NRCAM: variants seen among roughly 807,000 people sequenced by gnomAD.
NRCAM encodes the protein NgCAM-related cell adhesion molecule.
A neutral mutation model predicts 156.5 loss-of-function variants in NRCAM; 83 were observed. The observed-to-expected ratio is 0.53, with a 90% confidence interval of 0.44 to 0.64. NRCAM has a LOEUF of 0.64. NRCAM is among the 30% of genes least tolerant of loss of function. The pLI, the probability that NRCAM is intolerant of heterozygous loss-of-function variation, is 0.00. For missense variants in NRCAM, 1,417 were observed against 1,597.3 expected (o/e 0.89, Z 1.92); for synonymous variants, 538 against 563.9 (o/e 0.95, Z 0.65).
chr7:108,253,277 A>C, intron 3 of NRCAM, among the ~76,000 whole-genome samples: 1 of 152,202 alleles, frequency 6.6e-6, no homozygotes, highest in East Asian at 1.9e-4. Flanking sequence ...ATGCAAAACA[A>C]TGTGGTAAGT....
chr7:108,157,295 C>G (rs894437433), intron 32 of NRCAM, among the ~76,000 whole-genome samples: 3 of 152,086 alleles, frequency 2.0e-5, no homozygotes, highest in Non-Finnish European at 4.4e-5. Flanking sequence ...CTAAAGACAG[C>G]TATTTGAAAA....
At chr7:108,219,214 T>A (rs2091136564) in intron 11 of NRCAM, among the ~76,000 whole-genome samples, 1 of 151,044 alleles carries the variant, frequency 6.6e-6, no homozygotes, top group Admixed American at 6.6e-5. Context: ...AAAATAGTAA[T>A]TAAAAAATTA....
intron 2 of NRCAM, among the ~76,000 whole-genome samples, chr7:108,331,581 G>T (rs1288815996): frequency 6.6e-6 from 1 of 152,014 alleles, no homozygotes; most frequent in Non-Finnish European, 1.5e-5. Context: ...GCTATTATGA[G>T]GATTAAATGA....
At chr7:108,246,712 C>A (rs749045136) in intron 3 of NRCAM, among the ~76,000 whole-genome samples, 2 of 152,236 alleles carry the variant, frequency 1.3e-5, no homozygotes, top group African/African-American at 4.8e-5. Flanking sequence ...TGTTCCAATT[C>A]TCTGTGAAGT....
At position 108,179,343 on chromosome 7, in the gene NRCAM, G is replaced by A. The variant is rs1313126157; in HGVS notation, c.2851+880C>T. 2.0e-5 allele frequency among the ~76,000 whole-genome samples: 3 copies of A among 152,114 alleles called. No homozygotes were observed. The East Asian group carries it at 5.8e-4, about 29-fold the overall frequency. On this transcript the variant is annotated intron_variant, in intron 25 of 32. Transcript: ENST00000379028. ...GAGATGGGAGCTGGGATGCAGGGTG[G>A]TTCTCAGAGGCTGCTGGGCAGCTGC...
intron 11 of NRCAM, among the ~76,000 whole-genome samples, chr7:108,214,220 T>C (rs1374327002): frequency 1.3e-5 from 2 of 152,220 alleles, no homozygotes; most frequent in Non-Finnish European, 2.9e-5. Context: ...TAAATCCATC[T>C]GGTCCTGGGC....
At chr7:108,294,251 C>T (rs1330793120) in intron 3 of NRCAM, among the ~76,000 whole-genome samples, 1 of 122,848 alleles carries the variant, frequency 8.1e-6, no homozygotes, top group African/African-American at 3.1e-5. Context: ...CTTGAGTGAA[C>T]TCACAGTCAA....
chr7:108,352,656 G>A (rs565524982), intron 2 of NRCAM, among the ~76,000 whole-genome samples: 1 of 152,188 alleles, frequency 6.6e-6, no homozygotes, highest in Admixed American at 6.5e-5. Context: ...TGTTTTACTT[G>A]ACAAATATCA....
intron 2 of NRCAM, among the ~76,000 whole-genome samples, chr7:108,321,122 T>C (rs555015628): frequency 5.9e-5 from 9 of 152,360 alleles, no homozygotes; most frequent in African/African-American, 2.2e-4. Context: ...TTAACCACAC[T>C]GTCATTTATA....
intron 1 of NRCAM, among the ~76,000 whole-genome samples, chr7:108,429,562 T>C (rs191217148): frequency 6.6e-6 from 1 of 152,348 alleles, no homozygotes; most frequent in African/African-American, 2.4e-5. Flanking sequence ...ACTTTGCCAA[T>C]TGCAAATTAT....
rs201240389 is a variant in NRCAM, at chr7:108,324,877, C to CATTTTTTTTTTTTTTTT, written c.-173-12147_-173-12146insAAAAAAAAAAAAAAAAT. On this transcript the variant is annotated intron_variant, in intron 2 of 32. Transcript: ENST00000379028. ...TGTTTGTGTAATATTTGGCACTGTACTTTTTTTTTTTTTTTTTTTTTTTTT... is the reference window on the plus strand; with the variant it reads ...TGTTTGTGTAATATTTGGCACTGTACATTTTTTTTTTTTTTTTTTTTTTTTTTTTTTTTTTTTTTTTT... 6.0e-5 allele frequency among the ~76,000 whole-genome samples: 5 copies of CATTTTTTTTTTTTTTTT among 82,676 alleles called. 1 individual carries two copies. The highest frequency in any genetic ancestry group is 2.3e-5 in the Non-Finnish European group (1 of 43,386). 54.2% of individuals were successfully genotyped at this position (82,676 alleles called of 152,430 possible).
At chr7:108,320,279 C>T (rs2098985082) in intron 2 of NRCAM, among the ~76,000 whole-genome samples, 1 of 151,866 alleles carries the variant, frequency 6.6e-6, no homozygotes, top group South Asian at 2.1e-4. Context: ...CAGGGAGACC[C>T]TGTCTCTGTG....
chr7:108,150,618 C>T, intron 32 of NRCAM: 1 of 495,152 alleles, frequency 2.0e-6, no homozygotes, highest in Non-Finnish European at 4.0e-6. Flanking sequence ...TTTTTCTGAG[C>T]CAGAAGGAGA....
intron 30 of NRCAM, among the ~76,000 whole-genome samples, chr7:108,164,464 G>A (rs1387630966): frequency 6.6e-6 from 1 of 151,976 alleles, no homozygotes; most frequent in African/African-American, 2.4e-5. Context: ...GAAAGAGAGA[G>A]AAGTAGATCA....
At chr7:108,423,078 T>G (rs1220088029) in intron 1 of NRCAM, among the ~76,000 whole-genome samples, 4 of 152,016 alleles carry the variant, frequency 2.6e-5, no homozygotes, top group African/African-American at 9.7e-5. Flanking sequence ...GAGGGGGATA[T>G]AGTTGAGGAT....
intron 25 of NRCAM, among the ~76,000 whole-genome samples, chr7:108,178,580 C>A (rs956092158): frequency 2.4e-4 from 36 of 152,172 alleles, no homozygotes; most frequent in Admixed American, 2.4e-3. Flanking sequence ...GCCAGCATGC[C>A]CAGGTGCAGA....
chr7:108,357,994 CAA>C (rs1467401923), intron 2 of NRCAM, among the ~76,000 whole-genome samples: 1 of 152,108 alleles, frequency 6.6e-6, no homozygotes, highest in Non-Finnish European at 1.5e-5. Context: ...CTTGTCCTGA[CAA>C]TGTGTAAAAT....
At chr7:108,299,114 A>AAAAAAAAGAAAGAAGG in intron 3 of NRCAM, among the ~76,000 whole-genome samples, 1 of 25,516 alleles carries the variant, frequency 3.9e-5, no homozygotes, top group Non-Finnish European at 8.0e-5. Flanking sequence ...TCAAAAAAAA[A>AAAAAAAAGAAAGAAGG]AAAGAAAGAA....
rs1260622909 is a variant in NRCAM at position 108,405,398 on chromosome 7, G to C, written c.-331-5805C>G. Among the ~76,000 whole-genome samples the C allele has an allele frequency of 2.6e-5, 4 of 152,362 alleles. No individual in the cohort carries two copies. The East Asian group carries it at 5.8e-4, about 22-fold the overall frequency. On this transcript the variant is annotated intron_variant, in intron 1 of 32. Coordinates refer to ENST00000379028, the MANE Select transcript of NRCAM (RefSeq NM_001037132.4). The stretch of plus-strand genomic sequence containing the variant: ...GAAGTGCTCCAGCTTTCAGTGAGTA[G>C]TTTTCATGGTCCATACTTGGGACTC...
Sources: allele counts gnomAD v4.1 joint callset (sites outside exome capture counted in the v4.1 genomes callset), GRCh38; gene constraint gnomAD v4.1.1; transcripts MANE v1.5; gene names NCBI Gene and HGNC (gene_info 2026-07-23, HGNC 2026-07-21).